The following MMS22L variants were observed in gnomAD, a reference collection of about 807,000 sequenced individuals.
MMS22L encodes MMS22 like, DNA repair protein.
A neutral mutation model predicts 159.1 loss-of-function variants in MMS22L; 74 were observed. That is an observed-to-expected ratio of 0.47 (90% CI 0.39 to 0.56). The LOEUF is 0.56. MMS22L is among the 20% of genes least tolerant of loss of function. The pLI is 0.00. For missense variants in MMS22L, 1,351 were observed against 1,422.1 expected, an observed-to-expected ratio of 0.95 and a Z score of 0.80; for synonymous variants, 517 against 506.9, an observed-to-expected ratio of 1.02 and a Z score of -0.27.
intron 11 of MMS22L, among the ~76,000 whole-genome samples, chr6:97,238,624 A>C: frequency 6.7e-6 from 1 of 148,720 alleles, no homozygotes; most frequent in African/African-American, 2.5e-5. Context: ...TCAGACGGGG[A>C]GAGAATATGA....
intron 14 of MMS22L, among the ~76,000 whole-genome samples, chr6:97,227,165 G>A (rs1184607955): frequency 2.0e-5 from 2 of 101,172 alleles, no homozygotes; most frequent in East Asian, 4.0e-4. Context: ...TGTAGGATAC[G>A]AACCTATGAG....
At chr6:97,254,786 A>G in intron 9 of MMS22L, 53 bp from the exon 10 acceptor site, 1 of 1,426,726 alleles carries the variant, frequency 7.0e-7, no homozygotes, top group Non-Finnish European at 9.4e-7. Context: ...ATAACCTTTG[A>G]TTTCGTGGTT....
chr6:97,276,111 T>C (rs1188772787), intron 4 of MMS22L, among the ~76,000 whole-genome samples: 1 of 152,140 alleles, frequency 6.6e-6, no homozygotes, highest in Non-Finnish European at 1.5e-5. Flanking sequence ...GGAAGCATAA[T>C]GGCTAGAACA....
chr6:97,254,135 C>A (rs561110762), intron 10 of MMS22L: 1 of 155,968 alleles, frequency 6.4e-6, no homozygotes, highest in African/African-American at 2.4e-5. Flanking sequence ...AAGTGCTATT[C>A]TGAAGTACTT....
chr6:97,151,938 C>A, intron 22 of MMS22L, 71 bp from the exon 23 acceptor site: 1 of 1,120,712 alleles, frequency 8.9e-7, no homozygotes, highest in Non-Finnish European at 1.3e-6. Flanking sequence ...TTTATGAACA[C>A]TCTTGATTTA....
At chr6:97,183,846 C>T (rs964665212) in intron 15 of MMS22L, among the ~76,000 whole-genome samples, 6 of 152,134 alleles carry the variant, frequency 3.9e-5, no homozygotes, top group African/African-American at 9.7e-5. Context: ...CACTTTGGAG[C>T]ATTCCTGTCA....
rs1800672755 is a variant in MMS22L, at chr6:97,142,202, A to G, written c.*4604T>C. ...TTTTATTATTATATATAATTTTATC[A>G]TATGCACAAATAACTCATAAATATG... On this transcript the variant is annotated 3_prime_UTR_variant, in exon 25 of 25. Coordinates refer to ENST00000683635, the MANE Select transcript of MMS22L (RefSeq NM_001350599.2). 1 of 151,840 alleles carries G rather than the reference A, an allele frequency of 6.6e-6. No individual in the cohort carries two copies. The allele number at this position is 151,840 out of a possible 1,614,324, so 9.4% of individuals were successfully genotyped here. A position where few individuals can be genotyped will look rare whatever the true frequency, so the allele number is the denominator to read the frequency against.
chr6:97,168,265 ATGT>A (rs762278302), intron 19 of MMS22L, 25 bp from the exon 20 acceptor site: 4 of 1,608,682 alleles, frequency 2.5e-6, no homozygotes, highest in East Asian at 2.2e-5. Flanking sequence ...AAGTAACAGC[ATGT>A]TGTTGTTATC....
chr6:97,265,619 G>A (rs1815014485), intron 8 of MMS22L: 2 of 152,036 alleles, frequency 1.3e-5, no homozygotes, highest in Non-Finnish European at 2.9e-5. Context: ...CTGATAAGGG[G>A]TTAGTATTTT....
chr6:97,195,521 G>T (rs1453511897), intron 14 of MMS22L, among the ~76,000 whole-genome samples: 1 of 152,136 alleles, frequency 6.6e-6, no homozygotes, highest in Non-Finnish European at 1.5e-5. Context: ...GCATTGGAAG[G>T]CAATAAATTT....
At chr6:97,250,054 T>C (rs1457147884) in intron 10 of MMS22L, among the ~76,000 whole-genome samples, 1 of 152,154 alleles carries the variant, frequency 6.6e-6, no homozygotes, top group African/African-American at 2.4e-5. Flanking sequence ...AACTATGTCA[T>C]ACCCAAATCA....
In MMS22L at chr6:97,152,942, C is replaced by T. The variant is rs188884265; in HGVS notation, c.3386-1075G>A. Among the ~76,000 whole-genome samples, 306 of 151,530 alleles carry T rather than the reference C, an allele frequency of 2.0e-3. 3 individuals are homozygous for T. Among genetic ancestry groups the T allele is most frequent in the Admixed American group, 9.3e-3 (142 of 15,196 alleles). On this transcript the variant is annotated intron_variant, in intron 22 of 24. Coordinates refer to ENST00000683635, the MANE Select transcript of MMS22L (RefSeq NM_001350599.2). Reference sequence around the variant, plus strand: ...CTTCCATCTCCTGGGCTCAAGCCATCCTCCCACCTCAGCCTCTCAAGTAGC... The same window carrying T: ...CTTCCATCTCCTGGGCTCAAGCCATTCTCCCACCTCAGCCTCTCAAGTAGC...
chr6:97,191,672 T>C (rs1465442610), intron 14 of MMS22L, among the ~76,000 whole-genome samples: 2 of 152,184 alleles, frequency 1.3e-5, no homozygotes, highest in African/African-American at 2.4e-5. Context: ...AAGTATCTTA[T>C]TGATCTGATG....
intron 6 of MMS22L, chr6:97,271,479 C>T (rs1196464405): frequency 1.3e-5 from 2 of 152,080 alleles, no homozygotes; most frequent in Non-Finnish European, 2.9e-5. Flanking sequence ...GAAAATATCC[C>T]TCCCTCAACA....
chr6:97,251,432 T>C (rs962740124), intron 10 of MMS22L, among the ~76,000 whole-genome samples: 1 of 152,186 alleles, frequency 6.6e-6, no homozygotes, highest in Non-Finnish European at 1.5e-5. Context: ...TTACCCCTAA[T>C]GAAAACTATT....
chr6:97,227,389 A>G (rs1213167060), intron 14 of MMS22L, among the ~76,000 whole-genome samples: 2 of 152,142 alleles, frequency 1.3e-5, no homozygotes, highest in African/African-American at 2.4e-5. Context: ...GATGGCTTAG[A>G]CCAACACCCT....
At chr6:97,158,689 TTTCTG>T (rs1458353865) in intron 22 of MMS22L, among the ~76,000 whole-genome samples, 1 of 152,192 alleles carries the variant, frequency 6.6e-6, no homozygotes, top group Non-Finnish European at 1.5e-5. Flanking sequence ...TTTGTTGTGA[TTTCTG>T]TTCTTTTACA....
At chr6:97,231,978 A>C (rs184434570) in intron 12 of MMS22L, among the ~76,000 whole-genome samples, 1 of 152,248 alleles carries the variant, frequency 6.6e-6, no homozygotes. Flanking sequence ...TTTTTGTTAT[A>C]CCACTTGTTT....
chr6:97,149,995 T>A lies in MMS22L; in HGVS notation c.3508A>T (p.Arg1170Trp), dbSNP rs1441254772. The A allele has an allele frequency of 6.2e-7, 1 of 1,613,376 alleles. No individual in the cohort carries two copies. Among genetic ancestry groups the A allele is most frequent in the Non-Finnish European group, 8.5e-7 (1 of 1,179,652 alleles). ...FRQFIQDYGM[R>W]YYYQVYSILE... is the part of the protein sequence containing the mutation. Reference sequence around the variant, plus strand: ...ATGCTGTAAACCTGGTAATAGTACCTCATACCATAATCCTGGATAAACTGC... The same window carrying A: ...ATGCTGTAAACCTGGTAATAGTACCACATACCATAATCCTGGATAAACTGC... Residue 1170 changes from arginine (R) to tryptophan (W), a missense_variant, in exon 24 of 25, where the codon AGG becomes TGG. By Grantham distance (101) the Arg-to-Trp change is moderately radical (BLOSUM62 -3). Coordinates refer to ENST00000683635, the MANE Select transcript of MMS22L (RefSeq NM_001350599.2).
Sources: gnomAD v4.1 joint callset for allele counts (sites outside exome capture counted in the v4.1 genomes callset) on GRCh38, gnomAD v4.1.1 for gene constraint, MANE v1.5 for transcripts, NCBI Gene and HGNC (gene_info 2026-07-23, HGNC 2026-07-21) for gene names.